DOT1L: variants seen among roughly 807,000 people sequenced by gnomAD.
DOT1L encodes histone-lysine N-methyltransferase, H3 lysine-79 specific.
In DOT1L, 33 loss-of-function variants were observed where a neutral mutation model predicts 153.3. The observed-to-expected ratio is 0.22, with a 90% CI of 0.16 to 0.29. The LOEUF is 0.29. DOT1L is among the 10% of genes least tolerant of loss of function. DOT1L has a pLI of 1.00. For synonymous variants in DOT1L, 1,135 were observed against 965.1 expected (o/e 1.18, Z -3.26); for missense variants, 1,847 against 2,119.9 (o/e 0.87, Z 2.53).
At chr19:2,189,215 G>C (rs909038785) in intron 3 of DOT1L, among the ~76,000 whole-genome samples, 19 of 152,232 alleles carry the variant, frequency 1.2e-4, no homozygotes, top group Admixed American at 2.6e-4. Context: ...GAGCAGTGTG[G>C]GTGGGGGTGA....
At position 2,226,934 on chromosome 19, in the gene DOT1L, A is replaced by T. The variant is rs2024366262; in HGVS notation, c.4413A>T (p.Gly1471=). The T allele has an allele frequency of 6.3e-7, 1 of 1,582,874 alleles. No homozygotes were observed. The highest frequency in any genetic ancestry group is 8.5e-7 in the Non-Finnish European group (1 of 1,173,270). ...CCTTCCTGGGCCCCTTCCCGCCGGGACCGCAGTTCGCGCTCGGCCCCATGT... is the reference window on the plus strand; with the variant it reads ...CCTTCCTGGGCCCCTTCCCGCCGGGTCCGCAGTTCGCGCTCGGCCCCATGT... ...HRSFLGPFPP[G]PQFALGPMSL... is the part of the protein sequence containing the mutation. The change falls in exon 27 of 28, where the codon GGA becomes GGT. Residue 1471 remains glycine (G), a synonymous_variant. Transcript: ENST00000398665.
At chr19:2,223,044 T>G (rs2024186966) in intron 24 of DOT1L, among the ~76,000 whole-genome samples, 2 of 144,262 alleles carry the variant, frequency 1.4e-5, no homozygotes, top group African/African-American at 5.2e-5. Flanking sequence ...TTCTCGGCTG[T>G]GGGGCCTTAG....
chr19:2,210,611 T>C lies in DOT1L; in HGVS notation c.1117-10T>C. 1 of 1,610,864 alleles carries C rather than the reference T, an allele frequency of 6.2e-7. No homozygotes were observed. The highest frequency in any genetic ancestry group is 8.5e-7 in the Non-Finnish European group (1 of 1,178,792). ...TGTGCCCATCCCTGTTCTTCCCTTG[T>C]GTCCTCCAGGACTCTGGTGCTGAGG... is the stretch of plus-strand genomic sequence containing the variant. On this transcript the variant is annotated splice_polypyrimidine_tract_variant and intron_variant, in intron 13 of 27. Transcript: ENST00000398665.
At position 2,204,928 on chromosome 19, in the gene DOT1L, G is replaced by A. The variant is rs1480065703; in HGVS notation, c.788-1801G>A. On this transcript the variant is annotated intron_variant, in intron 9 of 27. Transcript: ENST00000398665. This position sits in a 1 kb window ranked among gnomAD's most constrained non-coding sequence, Gnocchi z 5.7. ...GTGGCGTCCAGGGGAGGAGAGCTGG[G>A]ATGGCGGAGTGTGCATGTGTTTAAA... Among the ~76,000 whole-genome samples, 1 of 152,152 alleles carries A rather than the reference G, an allele frequency of 6.6e-6. No homozygotes were observed. The highest frequency in any genetic ancestry group is 1.5e-5 in the Non-Finnish European group (1 of 68,032).
rs2144932712 is a variant in DOT1L, at chr19:2,226,555, C to T, written c.4034C>T (p.Ala1345Val). ...CTTCCCCACAAGGGCCCCGAGGCGG[C>T]CGGCCTGAGCTCCCCGCTGAGCTTC... Reference protein sequence around the residue: ...ASLPHKGPEAAGLSSPLSFPS... With the variant: ...ASLPHKGPEAVGLSSPLSFPS... Residue 1345 changes from alanine to valine, a missense_variant, in exon 27 of 28, where the codon GCC (alanine) becomes GTC (valine). Coordinates refer to ENST00000398665, the MANE Select transcript of DOT1L (RefSeq NM_032482.3). 3 of 1,600,328 alleles carry T rather than the reference C, an allele frequency of 1.9e-6. No individual in the cohort carries two copies. The highest frequency in any genetic ancestry group is 2.5e-6 in the Non-Finnish European group (3 of 1,179,022).
chr19:2,207,974 G>C lies in DOT1L; in HGVS notation c.963+294G>C, dbSNP rs1382549331. The stretch of plus-strand genomic sequence containing the variant: ...GGGCGGGGCCATCAGAGTGATGTGT[G>C]ACCATAAGGGTCCCGGCCGCCATAT... On this transcript the variant is annotated intron_variant, in intron 11 of 27. Coordinates refer to ENST00000398665, the MANE Select transcript of DOT1L (RefSeq NM_032482.3). The surrounding 1 kb of genome is among the most constrained non-coding windows in gnomAD (Gnocchi z 4.5). Among the ~76,000 whole-genome samples the C allele has an allele frequency of 6.6e-6, 1 of 152,104 alleles. No individual in the cohort carries two copies. The highest frequency in any genetic ancestry group is 1.5e-5 in the Non-Finnish European group (1 of 68,002).
At position 2,193,504 on chromosome 19, in the gene DOT1L, G is replaced by A. The variant is rs756868937; in HGVS notation, c.494-185G>A. Among the ~76,000 whole-genome samples the A allele has an allele frequency of 6.6e-6, 1 of 152,210 alleles. No individual in the cohort carries two copies. On this transcript the variant is annotated intron_variant, in intron 5 of 27. Coordinates refer to ENST00000398665, the MANE Select transcript of DOT1L (RefSeq NM_032482.3). This position sits in a 1 kb window ranked among gnomAD's most constrained non-coding sequence, Gnocchi z 5.9. ...ATGACCGTCCCCTCGTGGGGGCTCT[G>A]TCAGGGGCCTGGTCTCTGGGAAGGA...
Position 2,217,055 on chromosome 19 carries a change from G to T in DOT1L, c.2509G>T (p.Ala837Ser). ...PQDPRPLSPG[A>S]LQLAGEKSSE... ...GGACCCGCGGCCCCTGTCCCCTGGG[G>T]CCTTGCAGCTTGCTGGAGAGAAGAG... is the stretch of plus-strand genomic sequence containing the variant. The change falls in exon 21 of 28, where the codon GCC becomes TCC. Residue 837 changes from alanine to serine, a missense_variant. Ala to Ser is a moderately conservative substitution (Grantham distance 99, BLOSUM62 1). Transcript: ENST00000398665. This position sits in a 1 kb window ranked among gnomAD's most constrained non-coding sequence, Gnocchi z 7.3. 6.2e-7 allele frequency: 1 copy of T among 1,610,634 alleles called. No individual in the cohort carries two copies. The highest frequency in any genetic ancestry group is 8.5e-7 in the Non-Finnish European group (1 of 1,178,334).
intron 7 of DOT1L, among the ~76,000 whole-genome samples, chr19:2,196,503 T>C (rs2023025937): frequency 6.6e-6 from 1 of 152,148 alleles, no homozygotes; most frequent in Admixed American, 6.5e-5. Context: ...CGGCTAATTT[T>C]TGTATTTTTA....
chr19:2,164,082 AGCCT>A lies in DOT1L; in HGVS notation c.-102_-99del. On this transcript the variant is annotated 5_prime_UTR_variant, in exon 1 of 28. Coordinates refer to ENST00000398665, the MANE Select transcript of DOT1L (RefSeq NM_032482.3). ...GGCCGAGGCCAGGCCCCCTCCCCTC[AGCCT>A]CCCGCCCCTCCCTCCCGCCCGCCCT... 1 of 142,398 alleles carries A rather than the reference AGCCT, an allele frequency of 7.0e-6. No individual in the cohort carries two copies. The highest frequency in any genetic ancestry group is 1.5e-5 in the Non-Finnish European group (1 of 68,584). 8.8% of individuals were successfully genotyped at this position (142,398 alleles called of 1,614,324 possible). A position where few individuals can be genotyped will look rare whatever the true frequency, so the allele number is the denominator to read the frequency against.
At chr19:2,199,712 G>C (rs1308277857) in intron 7 of DOT1L, among the ~76,000 whole-genome samples, 172 bp from the exon 8 acceptor site, 1 of 152,106 alleles carries the variant, frequency 6.6e-6, no homozygotes, top group Non-Finnish European at 1.5e-5. Flanking sequence ...TCCCTCTCAC[G>C]GACCCTTCTG....
chr19:2,227,962 C>A, intron 27 of DOT1L: 1 of 1,226,210 alleles, frequency 8.2e-7, no homozygotes, highest in South Asian at 1.4e-5. Flanking sequence ...CTGGGCCGGT[C>A]CCCCGCGGGG....
Position 2,210,816 on chromosome 19 carries a change from G to T in DOT1L, c.1312G>T (p.Ala438Ser), listed in dbSNP as rs200004531. Residue 438 changes from alanine (A) to serine (S), a missense_variant, in exon 14 of 28, where the codon GCT becomes TCT. Ala to Ser is a moderately conservative substitution (Grantham distance 99). Coordinates refer to ENST00000398665, the MANE Select transcript of DOT1L (RefSeq NM_032482.3). ...KNQTALDALH[A>S]QTVSQTAASS... ...CCAAACTGCACTGGATGCCCTGCAC[G>T]CTCAGACCGTGTCTCAGACGGCGGC... 4 of 1,612,808 alleles carry T rather than the reference G, an allele frequency of 2.5e-6. No homozygotes were observed. The highest frequency in any genetic ancestry group is 1.7e-6 in the Non-Finnish European group (2 of 1,179,960).
intron 23 of DOT1L, chr19:2,221,663 A>C: frequency 2.4e-6 from 1 of 410,546 alleles, no homozygotes; most frequent in East Asian, 3.6e-5. Context: ...AGGGCAACTT[A>C]CTCAGAGGAA....
intron 2 of DOT1L, among the ~76,000 whole-genome samples, chr19:2,184,703 C>G (rs946362309): frequency 7.9e-5 from 12 of 152,202 alleles, no homozygotes; most frequent in Admixed American, 4.6e-4. Flanking sequence ...GGGTACCGTC[C>G]TGATGGCACC....
Position 2,216,520 on chromosome 19 carries a change from G to A in DOT1L, c.2163G>A (p.Glu721=), listed in dbSNP as rs529435713. Residue 721 remains glutamate (E), a synonymous_variant, in exon 20 of 28, where the codon GAG becomes GAA. Transcript: ENST00000398665. ...TGAACGGCCAGGCTGCTGGCTATGA[G>A]CTCTGCGGTGTGCTGAGCCGGCCTT... ...LSMNGQAAGY[E]LCGVLSRPSS... 2.6e-5 allele frequency: 42 copies of A among 1,612,204 alleles called. No individual in the cohort carries two copies. The Middle Eastern group carries it at 1.0e-3, about 38-fold the overall frequency.
chr19:2,219,952 A>T (rs552592232), intron 22 of DOT1L, among the ~76,000 whole-genome samples, 156 bp from the exon 23 acceptor site: 1 of 152,002 alleles, frequency 6.6e-6, no homozygotes, highest in African/African-American at 2.4e-5. Context: ...GGCCCCGCTC[A>T]AGTTCCCCCG....
In DOT1L at chr19:2,222,556, C is replaced by G; in HGVS notation, c.3387C>G (p.Ser1129=). The change falls in exon 24 of 28, where the codon TCC becomes TCG. Residue 1129 remains serine, a synonymous_variant. Transcript: ENST00000398665. This position sits in a 1 kb window ranked among gnomAD's most constrained non-coding sequence, Gnocchi z 6.5. ...QPSGSPLNLN[S]MVSNINQPLE... ...CGGGGTCTCCCCTCAACCTCAACTC[C>G]ATGGTAAGGATGGGGACCGGCAGGG... 6.5e-7 allele frequency: 1 copy of G among 1,540,058 alleles called. No individual in the cohort carries two copies. Among genetic ancestry groups the G allele is most frequent in the Non-Finnish European group, 8.7e-7 (1 of 1,147,260 alleles).
intron 18 of DOT1L, 184 bp from the exon 19 acceptor site, chr19:2,214,287 G>T: frequency 9.7e-7 from 1 of 1,030,786 alleles, no homozygotes; most frequent in Non-Finnish European, 1.4e-6. Context: ...TGCCTCATCT[G>T]TCCGTGGGGG....
Sources: allele counts gnomAD v4.1 joint callset (sites outside exome capture counted in the v4.1 genomes callset), GRCh38; gene constraint gnomAD v4.1.1; non-coding constraint Gnocchi (gnomAD v3.1); transcripts MANE v1.5; gene names NCBI Gene and HGNC (gene_info 2026-07-23, HGNC 2026-07-21).